Variants in CRACD observed in about 807,000 individuals in gnomAD.
CRACD encodes capping protein-inhibiting regulator of actin dynamics.
Under a neutral mutation model 106.8 loss-of-function variants are expected in CRACD, and 56 were observed. The ratio of observed to expected loss-of-function variants is 0.52; its 90% CI spans 0.42 to 0.66. CRACD has a LOEUF of 0.66. Ranked by LOEUF, CRACD falls within the 30% of genes least tolerant of loss-of-function variation. The probability of loss-of-function intolerance (pLI) is 0.00; values close to 1 mark genes in which losing one functional copy is unlikely to be tolerated. For missense variants in CRACD, 1,730 were observed against 1,623.2 expected, an observed-to-expected ratio of 1.07 and a Z score of -1.13; for synonymous variants, 754 against 670.8, an observed-to-expected ratio of 1.12 and a Z score of -1.92.
intron 1 of CRACD, among the ~76,000 whole-genome samples, chr4:56,119,431 A>G (rs1486606927): frequency 2.0e-5 from 3 of 151,918 alleles, no homozygotes; most frequent in African/African-American, 7.3e-5. Context: ...ACTGGGCTCA[A>G]GCGATCCTCC....
intron 2 of CRACD, among the ~76,000 whole-genome samples, chr4:56,229,442 C>A (rs1158037850): frequency 6.6e-6 from 1 of 152,190 alleles, no homozygotes; most frequent in Non-Finnish European, 1.5e-5. Context: ...AATATTCTGG[C>A]ACCTTGATCT....
At chr4:56,116,596 C>T (rs1488304269) in intron 1 of CRACD, among the ~76,000 whole-genome samples, 1 of 152,204 alleles carries the variant, frequency 6.6e-6, no homozygotes, top group African/African-American at 2.4e-5. Context: ...CAAATCTGTG[C>T]TCTATCTTTT....
intron 1 of CRACD, among the ~76,000 whole-genome samples, chr4:56,063,454 T>G (rs1577938730): frequency 6.6e-6 from 1 of 152,316 alleles, no homozygotes; most frequent in Middle Eastern, 3.4e-3. Flanking sequence ...ACATTCACAG[T>G]GTCAAGCAGG....
chr4:56,260,198 T>C (rs964071813), intron 2 of CRACD, among the ~76,000 whole-genome samples: 2 of 152,228 alleles, frequency 1.3e-5, no homozygotes, highest in African/African-American at 2.4e-5. Context: ...CCCAACATTT[T>C]TGTTTTCTTC....
At chr4:56,143,142 T>G (rs573884524) in intron 1 of CRACD, among the ~76,000 whole-genome samples, 34 of 152,158 alleles carry the variant, frequency 2.2e-4, no homozygotes, top group Admixed American at 6.5e-5. Flanking sequence ...TTTTTCCCCA[T>G]GTAATCTCTG....
intron 2 of CRACD, among the ~76,000 whole-genome samples, chr4:56,190,404 C>T (rs1270425659): frequency 6.6e-6 from 1 of 152,192 alleles, no homozygotes; most frequent in East Asian, 1.9e-4. Context: ...CACTGACTTC[C>T]ACAACGGTTG....
At chr4:56,269,387 TA>T (rs373835054) in intron 2 of CRACD, among the ~76,000 whole-genome samples, 322 of 138,844 alleles carry the variant, frequency 2.3e-3, no homozygotes, top group Admixed American at 2.2e-3. Flanking sequence ...TCTCGCAAAG[TA>T]AAAAAAAAAA....
At chr4:56,193,811 G>GTT (rs574738014) in intron 2 of CRACD, among the ~76,000 whole-genome samples, 5 of 148,196 alleles carry the variant, frequency 3.4e-5, no homozygotes, top group Non-Finnish European at 7.5e-5. Context: ...AAAAGTTTCT[G>GTT]TTTTTTTTTT....
chr4:56,065,146 G>A (rs773610913), intron 1 of CRACD, among the ~76,000 whole-genome samples: 2 of 151,890 alleles, frequency 1.3e-5, no homozygotes, highest in Non-Finnish European at 2.9e-5. Context: ...GTAGTGCAAT[G>A]ACATGATCTC....
At chr4:56,169,013 A>G (rs1736256332) in intron 1 of CRACD, among the ~76,000 whole-genome samples, 1 of 152,338 alleles carries the variant, frequency 6.6e-6, no homozygotes. Context: ...ATTTAAGGTT[A>G]CAGACTACCT....
intron 1 of CRACD, among the ~76,000 whole-genome samples, chr4:56,100,635 T>C (rs1472177765): frequency 6.6e-6 from 1 of 152,182 alleles, no homozygotes; most frequent in African/African-American, 2.4e-5. Flanking sequence ...AAAGTGGGAT[T>C]ATAAGAGTAG....
intron 2 of CRACD, among the ~76,000 whole-genome samples, chr4:56,218,311 T>G (rs1185815893): frequency 1.3e-5 from 2 of 152,076 alleles, no homozygotes; most frequent in African/African-American, 4.8e-5. Flanking sequence ...AGGGTCTCAC[T>G]ATGTTATCCA....
chr4:56,307,607 G>A lies in CRACD; in HGVS notation c.193G>A (p.Gly65Arg). The change falls in exon 5 of 11, where the codon GGA becomes AGA. Residue 65 changes from glycine to arginine, a missense_variant. By Grantham distance (125) the Gly-to-Arg change is moderately radical. Coordinates refer to ENST00000682029, the MANE Select transcript of CRACD (RefSeq NM_001393381.1). ...NAIPMNKANS[G>R]EASLEEDLFL... The stretch of plus-strand genomic sequence containing the variant: ...CATTCCCATGAATAAGGCAAACAGT[G>A]GAGAGGCTAGCTTAGAAGAGGATCT... 6.2e-7 allele frequency: 1 copy of A among 1,614,190 alleles called. No homozygotes were observed. The highest frequency in any genetic ancestry group is 8.5e-7 in the Non-Finnish European group (1 of 1,180,036).
chr4:56,188,705 C>CAGAGAGAG (rs1347669625), intron 2 of CRACD, among the ~76,000 whole-genome samples: 25 of 136,200 alleles, frequency 1.8e-4, no homozygotes, highest in African/African-American at 7.1e-4. Context: ...CACACACACA[C>CAGAGAGAG]ACACACAGAG....
chr4:56,288,904 C>T (rs146327498), intron 3 of CRACD, among the ~76,000 whole-genome samples: 64 of 152,244 alleles, frequency 4.2e-4, no homozygotes, highest in African/African-American at 1.4e-3. Flanking sequence ...AATGTATAAA[C>T]GTGATATGTA....
rs544691245 is a variant in CRACD, at chr4:56,093,440, T to A, written c.-336+44141T>A. Among the ~76,000 whole-genome samples, 11 of 152,320 alleles carry A rather than the reference T, an allele frequency of 7.2e-5. No homozygotes were observed. The East Asian group carries it at 9.6e-4, about 13-fold the overall frequency. On this transcript the variant is annotated intron_variant, in intron 1 of 10. Coordinates refer to ENST00000682029, the MANE Select transcript of CRACD (RefSeq NM_001393381.1). ...TAAGGTTTTGGAGGTCTTTATTAGA[T>A]GATGAATATAATTATTTCCGTTTTA...
intron 1 of CRACD, among the ~76,000 whole-genome samples, chr4:56,129,796 TGCGTACAGTGCTACAGAA>T (rs1734767875): frequency 6.6e-6 from 1 of 152,186 alleles, no homozygotes; most frequent in Non-Finnish European, 1.5e-5. Context: ...GATAGGATTA[TGCGTACAGTGCTACAGAA>T]GCACAAAGAA....
chr4:56,109,953 G>A (rs1734065168), intron 1 of CRACD, among the ~76,000 whole-genome samples: 1 of 152,052 alleles, frequency 6.6e-6, no homozygotes, highest in Non-Finnish European at 1.5e-5. Flanking sequence ...TCAGAAAACT[G>A]CAAGGACATG....
chr4:56,176,389 T>C (rs1313379645), intron 1 of CRACD, among the ~76,000 whole-genome samples: 1 of 152,002 alleles, frequency 6.6e-6, no homozygotes, highest in Non-Finnish European at 1.5e-5. Context: ...TTTAACAATA[T>C]TAATTCTTTC....
Sources: allele counts gnomAD v4.1 joint callset (sites outside exome capture counted in the v4.1 genomes callset), GRCh38; gene constraint gnomAD v4.1.1; transcripts MANE v1.5; gene names NCBI Gene and HGNC (gene_info 2026-07-23, HGNC 2026-07-21).